MSRA: variants seen among roughly 807,000 people sequenced by gnomAD.
The protein encoded by MSRA is methionine sulfoxide reductase A, also known as mitochondrial peptide methionine sulfoxide reductase.
Under a neutral mutation model 31.3 loss-of-function variants are expected in MSRA, and 54 were observed. That is an observed-to-expected ratio of 1.73 (90% confidence interval 1.39 to 2.17). The LOEUF (loss-of-function observed/expected upper bound fraction) is 2.17, where lower values mean the gene tolerates loss of function less well. MSRA is among the 30% of genes most tolerant of loss of function. The pLI, the probability that MSRA is intolerant of heterozygous loss-of-function variation, is 0.00. For missense variants in MSRA, 507 were observed against 300.9 expected, an observed-to-expected ratio of 1.69 and a Z score of -5.07; for synonymous variants, 169 against 116.5, an observed-to-expected ratio of 1.45 and a Z score of -2.90.
At chr8:10,356,742 T>C (rs1274084338) in intron 5 of MSRA, among the ~76,000 whole-genome samples, 3 of 152,076 alleles carry the variant, frequency 2.0e-5, no homozygotes, top group Admixed American at 2.0e-4. Context: ...GAATCTACCT[T>C]GATTCTGGAC....
At chr8:10,094,369 A>G (rs1799012608) in intron 1 of MSRA, among the ~76,000 whole-genome samples, 1 of 152,234 alleles carries the variant, frequency 6.6e-6, no homozygotes, top group Non-Finnish European at 1.5e-5. Context: ...TTCTTAGATA[A>G]ATGACACATG....
chr8:10,404,294 C>A (rs1219807093), intron 5 of MSRA, among the ~76,000 whole-genome samples: 1 of 152,138 alleles, frequency 6.6e-6, no homozygotes, highest in South Asian at 2.1e-4. Flanking sequence ...GAAGCGTCCC[C>A]CTGGAATCTT....
intron 1 of MSRA, among the ~76,000 whole-genome samples, chr8:10,056,564 G>A (rs1802385079): frequency 6.8e-6 from 1 of 146,740 alleles, no homozygotes; most frequent in South Asian, 2.1e-4. Context: ...AGCCTACAAT[G>A]CATATGTCCT....
chr8:10,220,059 T>G (rs1199368455), intron 2 of MSRA, among the ~76,000 whole-genome samples: 1 of 152,050 alleles, frequency 6.6e-6, no homozygotes, highest in East Asian at 1.9e-4. Flanking sequence ...GCCCAAGTAG[T>G]GTGAACAGTG....
chr8:10,322,585 C>G (rs760607250), intron 5 of MSRA, among the ~76,000 whole-genome samples: 4 of 152,046 alleles, frequency 2.6e-5, no homozygotes, highest in Non-Finnish European at 4.4e-5. Flanking sequence ...CATGGGCATC[C>G]AAGGGGCTGT....
intron 3 of MSRA, chr8:10,250,526 T>A (rs748884943): frequency 1.3e-5 from 9 of 697,010 alleles, no homozygotes; most frequent in Non-Finnish European, 2.4e-5. Flanking sequence ...CTGCACAACT[T>A]TTCCTCGTAA....
At chr8:10,372,675 C>A (rs551456091) in intron 5 of MSRA, among the ~76,000 whole-genome samples, 1 of 152,244 alleles carries the variant, frequency 6.6e-6, no homozygotes, top group East Asian at 1.9e-4. Context: ...TAATGAGTAA[C>A]AGTGATGTGA....
intron 1 of MSRA, among the ~76,000 whole-genome samples, chr8:10,086,664 G>A (rs1798572350): frequency 6.6e-6 from 1 of 152,148 alleles, no homozygotes; most frequent in South Asian, 2.1e-4. Context: ...TTATTAATAC[G>A]TGATTTCACT....
chr8:10,413,739 CG>C (rs1291515440), intron 5 of MSRA, among the ~76,000 whole-genome samples: 1 of 149,942 alleles, frequency 6.7e-6, no homozygotes, highest in Non-Finnish European at 1.5e-5. Context: ...GCTGAGTTGG[CG>C]GAAGAAAGAA....
chr8:10,391,057 C>T (rs980805930), intron 5 of MSRA, among the ~76,000 whole-genome samples: 2 of 151,916 alleles, frequency 1.3e-5, no homozygotes, highest in African/African-American at 2.4e-5. Context: ...ATGTACTTCA[C>T]GTTCTGGCAC....
intron 2 of MSRA, among the ~76,000 whole-genome samples, chr8:10,216,334 T>G (rs1809984993): frequency 6.6e-6 from 1 of 152,208 alleles, no homozygotes; most frequent in East Asian, 1.9e-4. Flanking sequence ...GCTCATAAAT[T>G]TGGCTCTATG....
chr8:10,149,322 T>G (rs949908478), intron 1 of MSRA, among the ~76,000 whole-genome samples: 2 of 152,048 alleles, frequency 1.3e-5, no homozygotes, highest in Non-Finnish European at 2.9e-5. Flanking sequence ...GGGGTTTCAC[T>G]GTGTTGACCA....
intron 4 of MSRA, among the ~76,000 whole-genome samples, chr8:10,315,140 A>G (rs532332730): frequency 7.9e-5 from 12 of 152,268 alleles, no homozygotes; most frequent in African/African-American, 2.9e-4. Context: ...TGAGAACAGC[A>G]TGGGAAAGAC....
chr8:10,353,709 C>G (rs1228141267), intron 5 of MSRA: 1 of 453,928 alleles, frequency 2.2e-6, no homozygotes, highest in Non-Finnish European at 4.4e-6. Context: ...TGTCCCTGTA[C>G]CTGCCCACTG....
chr8:10,262,688 G>A (rs1192857749), intron 3 of MSRA, among the ~76,000 whole-genome samples: 3 of 152,120 alleles, frequency 2.0e-5, no homozygotes, highest in Non-Finnish European at 4.4e-5. Flanking sequence ...TCTTTCCCCA[G>A]GCATCCATTA....
intron 4 of MSRA, among the ~76,000 whole-genome samples, chr8:10,305,616 G>T (rs148828626): frequency 0.012 from 1,836 of 152,246 alleles, 14 homozygotes; most frequent in Non-Finnish European, 0.019. Flanking sequence ...GTTTCACCAT[G>T]TTGGTCAGCC....
intron 1 of MSRA, among the ~76,000 whole-genome samples, chr8:10,153,946 G>C (rs1423748803): frequency 6.6e-6 from 1 of 152,072 alleles, no homozygotes; most frequent in East Asian, 1.9e-4. Flanking sequence ...TAAACATAAT[G>C]GTGTATTTGA....
intron 5 of MSRA, among the ~76,000 whole-genome samples, chr8:10,382,019 C>G (rs1224195989): frequency 6.6e-6 from 1 of 152,220 alleles, no homozygotes; most frequent in Non-Finnish European, 1.5e-5. Context: ...TAAGCCATTT[C>G]TTTCTGCGTG....
rs973089909 is a variant in MSRA, at chr8:10,207,633, G to T, written c.143-200G>T. The stretch of plus-strand genomic sequence containing the variant: ...ACCTCAGCCTACTCATTTATAAAAT[G>T]ACATACCTGAACTAGATGATCTCTA... On this transcript the variant is annotated intron_variant, in intron 1 of 5. Coordinates refer to ENST00000317173, the MANE Select transcript of MSRA (RefSeq NM_012331.5). 1.4e-4 allele frequency among the ~76,000 whole-genome samples: 21 copies of T among 152,120 alleles called. 1 individual carries two copies. The highest frequency in any genetic ancestry group is 1.5e-5 in the Non-Finnish European group (1 of 68,034).
Sources: allele counts gnomAD v4.1 joint callset (sites outside exome capture counted in the v4.1 genomes callset), GRCh38; gene constraint gnomAD v4.1.1; transcripts MANE v1.5; gene names NCBI Gene and HGNC (gene_info 2026-07-23, HGNC 2026-07-21).